Variants in GSK3A observed in about 807,000 individuals in gnomAD.
GSK3A encodes the protein glycogen synthase kinase-3 alpha.
A neutral mutation model predicts 56.6 loss-of-function variants in GSK3A; 14 were observed. The observed-to-expected ratio is 0.25, with a 90% confidence interval of 0.16 to 0.39. The LOEUF (loss-of-function observed/expected upper bound fraction) is 0.39, where lower values mean the gene tolerates loss of function less well. Among genes scored for constraint, GSK3A ranks in the 10% least tolerant of loss-of-function variants. The pLI, the probability that GSK3A is intolerant of heterozygous loss-of-function variation, is 1.00. For missense variants in GSK3A, 450 were observed against 656.0 expected (o/e 0.69, Z 3.43); for synonymous variants, 301 against 285.0 (o/e 1.06, Z -0.56).
chr19:42,237,911 T>C (rs1270057431), intron 2 of GSK3A, among the ~76,000 whole-genome samples: 1 of 150,452 alleles, frequency 6.6e-6, no homozygotes, highest in Non-Finnish European at 1.5e-5. Context: ...AAGATAAAAT[T>C]TATTATTATT....
chr19:42,237,046 C>T, intron 2 of GSK3A, 105 bp from the exon 3 acceptor site: 1 of 796,628 alleles, frequency 1.3e-6, no homozygotes, highest in South Asian at 1.4e-5. Context: ...CCCTGTGTCC[C>T]AGCTCCAAGG....
In GSK3A at chr19:42,242,311, G is replaced by T; in HGVS notation, c.155C>A (p.Ser52Tyr). The T allele has an allele frequency of 7.0e-7, 1 of 1,437,218 alleles. No homozygotes were observed. Among genetic ancestry groups the T allele is most frequent in the Non-Finnish European group, 9.1e-7 (1 of 1,101,364 alleles). 89.0% of individuals were successfully genotyped at this position (1,437,218 alleles called of 1,614,324 possible). A position where few individuals can be genotyped will look rare whatever the true frequency, so the allele number is the denominator to read the frequency against. The change falls in exon 1 of 11, where the codon TCT becomes TAT. Residue 52 changes from serine (S) to tyrosine (Y), a missense_variant. Coordinates refer to ENST00000222330, the MANE Select transcript of GSK3A (RefSeq NM_019884.3). ...GACGCCCCCACCCATGGCCCCGACA[G>T]ATGCCTTTCCGCCGCCGGTGCCGCC... ...GPGGTGGGKA[S>Y]VGAMGGGVGA...
rs1413598793 is a variant in GSK3A at position 42,234,738 on chromosome 19, C to T, written c.667-60G>A. The T allele has an allele frequency of 6.8e-7, 1 of 1,471,692 alleles. No individual in the cohort carries two copies. The highest frequency in any genetic ancestry group is 1.4e-5 in the African/African-American group (1 of 71,490). The allele number at this position is 1,471,692 out of a possible 1,614,324, so 91.2% of individuals were successfully genotyped here. ...AGCTTTCCCCATACAGCACCACTAC[C>T]CCACCAGCTTGGCCTGAAGAGCCCT... On this transcript the variant is annotated intron_variant, in intron 4 of 10. Transcript: ENST00000222330. This position sits in a 1 kb window ranked among gnomAD's most constrained non-coding sequence, Gnocchi z 5.7.
At chr19:42,231,750 G>A (rs1256086601) in intron 10 of GSK3A, among the ~76,000 whole-genome samples, 1 of 151,226 alleles carries the variant, frequency 6.6e-6, no homozygotes, top group Non-Finnish European at 1.5e-5. Flanking sequence ...TGCAGCCTGG[G>A]TGGCGAGTGA....
rs1398194680 is a variant in GSK3A at position 42,232,079 on chromosome 19, G to A, written c.1356C>T (p.Thr452=). 6.2e-7 allele frequency: 1 copy of A among 1,605,936 alleles called. No homozygotes were observed. ...TACCTTGTGAGGACGGGGTGAGGGT[G>A]GTAGTGCCCGCTGGGGACCTCAAGT... ...PPHLRSPAGT[T]TLTPSSQALT... Residue 452 remains threonine, a synonymous_variant, in exon 10 of 11, where the codon ACC becomes ACT. Transcript: ENST00000222330.
Position 42,234,476 on chromosome 19 carries a change from G to A in GSK3A, c.798-17C>T. 6.2e-7 allele frequency: 1 copy of A among 1,613,790 alleles called. No homozygotes were observed. The highest frequency in any genetic ancestry group is 1.1e-5 in the South Asian group (1 of 91,072). On this transcript the variant is annotated splice_polypyrimidine_tract_variant and intron_variant, in intron 5 of 10. Coordinates refer to ENST00000222330, the MANE Select transcript of GSK3A (RefSeq NM_019884.3). The surrounding 1 kb of genome is among the most constrained non-coding windows in gnomAD (Gnocchi z 5.7). ...TGCTTTGCACTGTGGGAAGAGATGGGCAGGGGTACACGTGAGGCAAGGGTT... is the reference window on the plus strand; with the variant it reads ...TGCTTTGCACTGTGGGAAGAGATGGACAGGGGTACACGTGAGGCAAGGGTT...
At position 42,242,230 on chromosome 19, in the gene GSK3A, C is replaced by A; in HGVS notation, c.236G>T (p.Gly79Val). The change falls in exon 1 of 11, where the codon GGC becomes GTC. Residue 79 changes from glycine (G) to valine (V), a missense_variant. Physicochemically the swap from Gly to Val is moderately radical, Grantham distance 109 (BLOSUM62 -3). Around this residue, in one of 3 missense-constraint regions of GSK3A, gnomAD observed 193 missense variants for 200.5 expected, o/e 0.96. Coordinates refer to ENST00000222330, the MANE Select transcript of GSK3A (RefSeq NM_019884.3). ...PGGSGGGGSG[G>V]PGAGTSFPPP... ...CGGGAAGCTAGTGCCTGCGCCGGGG[C>A]CTCCGCTGCCTCCTCCGCCGCTGCC... 1 of 1,440,784 alleles carries A rather than the reference C, an allele frequency of 6.9e-7. No individual in the cohort carries two copies. Among genetic ancestry groups the A allele is most frequent in the Non-Finnish European group, 9.1e-7 (1 of 1,101,524 alleles). The allele number at this position is 1,440,784 out of a possible 1,614,324, so 89.2% of individuals were successfully genotyped here. A position where few individuals can be genotyped will look rare whatever the true frequency, so the allele number is the denominator to read the frequency against.
Position 42,236,971 on chromosome 19 carries a change from C to T in GSK3A, c.472-30G>A, listed in dbSNP as rs752454146. The T allele has an allele frequency of 3.4e-6, 5 of 1,471,586 alleles. No individual in the cohort carries two copies. In the East Asian group the frequency reaches 9.0e-5, roughly 27 times the overall value. The allele number at this position is 1,471,586 out of a possible 1,614,324, so 91.2% of individuals were successfully genotyped here. Reference sequence around the variant, plus strand: ...AGGGCAAAGGGAGAGTCTCAGAATACAACCAACTCTCTCGGCTGCTCCTCC... The same window carrying T: ...AGGGCAAAGGGAGAGTCTCAGAATATAACCAACTCTCTCGGCTGCTCCTCC... On this transcript the variant is annotated intron_variant, in intron 2 of 10. Transcript: ENST00000222330.
At chr19:42,238,369 C>T (rs1427697582) in intron 2 of GSK3A, among the ~76,000 whole-genome samples, 2 of 140,066 alleles carry the variant, frequency 1.4e-5, no homozygotes, top group Non-Finnish European at 3.0e-5. Context: ...AGTGACAGAA[C>T]GAGATTCTGT....
At chr19:42,238,883 C>T (rs756911290) in intron 2 of GSK3A, among the ~76,000 whole-genome samples, 13 of 151,950 alleles carry the variant, frequency 8.6e-5, no homozygotes, top group Non-Finnish European at 1.6e-4. Context: ...GCACAAGAAT[C>T]GCTTGAACCT....
intron 4 of GSK3A, 42 bp downstream of exon 4, chr19:42,236,564 G>C: frequency 8.2e-7 from 1 of 1,219,862 alleles, no homozygotes; most frequent in Non-Finnish European, 1.2e-6. Flanking sequence ...AGAGCCCCTG[G>C]CTTTGTGGGC....
At chr19:42,239,852 G>A (rs980364976) in intron 2 of GSK3A, 103 bp downstream of exon 2, 2 of 871,478 alleles carry the variant, frequency 2.3e-6, no homozygotes. Flanking sequence ...CTTCTCTTCT[G>A]GCCCATGGCT....
At chr19:42,230,926 C>A in intron 10 of GSK3A, 59 bp from the exon 11 acceptor site, 1 of 1,120,842 alleles carries the variant, frequency 8.9e-7, no homozygotes, top group Non-Finnish European at 1.3e-6. Context: ...CCCCTTCGCC[C>A]AACCCAAAAG....
In GSK3A at chr19:42,236,699, T is replaced by C; in HGVS notation, c.573A>G (p.Leu191=). 6.2e-7 allele frequency: 1 copy of C among 1,613,520 alleles called. No individual in the cohort carries two copies. Among genetic ancestry groups the C allele is most frequent in the Non-Finnish European group, 8.5e-7 (1 of 1,179,596 alleles). The change falls in exon 4 of 11, where the codon CTA becomes CTG. Residue 191 remains leucine (L), a synonymous_variant. Transcript: ENST00000222330. The part of the protein sequence containing the change: ...SSGEKKDELY[L]NLVLEYVPET... The stretch of plus-strand genomic sequence containing the variant: ...CGGGCACATATTCCAGCACCAGATT[T>C]AGGTAAAGCTCGTCTTTCTGCAGGG...
chr19:42,236,501 A>G (rs2036257976), intron 4 of GSK3A, 105 bp downstream of exon 4: 1 of 788,086 alleles, frequency 1.3e-6, no homozygotes, highest in Non-Finnish European at 2.3e-6. Flanking sequence ...GGGGCCTCCA[A>G]AAACCAACAT....
Position 42,234,773 on chromosome 19 carries a change from A to G in GSK3A, c.667-95T>C, listed in dbSNP as rs1296674706. 2 of 1,282,092 alleles carry G rather than the reference A, an allele frequency of 1.6e-6. No individual in the cohort carries two copies. Among genetic ancestry groups the G allele is most frequent in the African/African-American group, 3.0e-5 (2 of 66,728 alleles). The allele number at this position is 1,282,092 out of a possible 1,614,324, so 79.4% of individuals were successfully genotyped here. A position where few individuals can be genotyped will look rare whatever the true frequency, so the allele number is the denominator to read the frequency against. ...TGGCCTGAAGAGCCCTTCCAGGCCC[A>G]CTCTCCCTGCTGCCCCCACAGCTTT... On this transcript the variant is annotated intron_variant, in intron 4 of 10. Coordinates refer to ENST00000222330, the MANE Select transcript of GSK3A (RefSeq NM_019884.3). This position sits in a 1 kb window ranked among gnomAD's most constrained non-coding sequence, Gnocchi z 5.7.
intron 6 of GSK3A, 25 bp from the exon 7 acceptor site, chr19:42,233,408 A>C: frequency 1.3e-6 from 2 of 1,497,268 alleles, no homozygotes; most frequent in East Asian, 4.9e-5. Flanking sequence ...AGGGAGCGTC[A>C]GGGCTAGGCG....
At chr19:42,233,507 G>A in intron 6 of GSK3A, 124 bp from the exon 7 acceptor site, 2 of 667,132 alleles carry the variant, frequency 3.0e-6, no homozygotes, top group Non-Finnish European at 5.3e-6. Flanking sequence ...CAAAGCACCT[G>A]GCCCAAGGTC....
chr19:42,239,615 T>C (rs2036279343), intron 2 of GSK3A, among the ~76,000 whole-genome samples: 2 of 152,198 alleles, frequency 1.3e-5, no homozygotes, highest in Non-Finnish European at 2.9e-5. Context: ...GCACTTGCTC[T>C]ATGACCTCAG....
Sources: allele counts gnomAD v4.1 joint callset (sites outside exome capture counted in the v4.1 genomes callset), GRCh38; gene constraint gnomAD v4.1.1; regional missense constraint gnomAD v4.1.1; non-coding constraint Gnocchi (gnomAD v3.1); transcripts MANE v1.5; gene names NCBI Gene and HGNC (gene_info 2026-07-23, HGNC 2026-07-21).